Variants in GNA14 observed in about 807,000 individuals in gnomAD.
GNA14 encodes G protein subunit alpha 14.
In GNA14, 50 loss-of-function variants were observed where a neutral mutation model predicts 42.0. The observed-to-expected ratio is 1.19, with a 90% CI of 0.95 to 1.51. GNA14 has a LOEUF of 1.51. Ranked by LOEUF, GNA14 falls within the 40% of genes most tolerant of loss-of-function variation. The probability of loss-of-function intolerance (pLI) is 0.00; values close to 1 mark genes in which losing one functional copy is unlikely to be tolerated. For synonymous variants in GNA14, 173 were observed against 163.1 expected (o/e 1.06, Z -0.46); for missense variants, 473 against 446.2 (o/e 1.06, Z -0.54).
intron 2 of GNA14, among the ~76,000 whole-genome samples, chr9:77,515,289 CA>C (rs1261185845): frequency 1.3e-5 from 2 of 152,188 alleles, no homozygotes; most frequent in Non-Finnish European, 2.9e-5. Context: ...TAGTGGAGGA[CA>C]AGAAAGACGT....
At chr9:77,586,385 T>C (rs1162211) in intron 1 of GNA14, among the ~76,000 whole-genome samples, 123,501 of 152,142 alleles carry the variant, frequency 0.81, 50,750 homozygotes, top group African/African-American at 0.88. Context: ...TCAACAAGCA[T>C]ATGAAAAAAT....
intron 2 of GNA14, among the ~76,000 whole-genome samples, chr9:77,434,772 C>T (rs1835616091): frequency 6.6e-6 from 1 of 152,164 alleles, no homozygotes. Context: ...CTTCTGTGCC[C>T]AGCCATGTCC....
chr9:77,505,674 G>C (rs1837057882), intron 2 of GNA14, among the ~76,000 whole-genome samples: 1 of 152,168 alleles, frequency 6.6e-6, no homozygotes, highest in African/African-American at 2.4e-5. Context: ...TTTCCGATGT[G>C]ACAAAGAAGG....
At chr9:77,578,618 G>T (rs1000587257) in intron 1 of GNA14, among the ~76,000 whole-genome samples, 1 of 152,152 alleles carries the variant, frequency 6.6e-6, no homozygotes, top group Non-Finnish European at 1.5e-5. Context: ...TTAAAAAATT[G>T]AATGAAGATA....
At chr9:77,442,165 A>G (rs1335908638) in intron 2 of GNA14, among the ~76,000 whole-genome samples, 1 of 152,228 alleles carries the variant, frequency 6.6e-6, no homozygotes, top group Non-Finnish European at 1.5e-5. Context: ...TGAGGCCAGG[A>G]GTTCGAGACC....
At chr9:77,428,252 G>T (rs973933130) in intron 5 of GNA14, among the ~76,000 whole-genome samples, 4 of 151,622 alleles carry the variant, frequency 2.6e-5, no homozygotes, top group African/African-American at 9.7e-5. Context: ...CTAATTTTTT[G>T]TATTTTTTAG....
At chr9:77,507,526 A>G (rs1837091466) in intron 2 of GNA14, among the ~76,000 whole-genome samples, 1 of 152,178 alleles carries the variant, frequency 6.6e-6, no homozygotes, top group East Asian at 1.9e-4. Context: ...TGAACCCCCG[A>G]GCATCACAAA....
chr9:77,623,215 T>TAAAAAAAA, intron 1 of GNA14, among the ~76,000 whole-genome samples: 1 of 5,858 alleles, frequency 1.7e-4, no homozygotes, highest in Non-Finnish European at 5.4e-4. Flanking sequence ...AGACGCTGTC[T>TAAAAAAAA]CAAAAAAAAA....
chr9:77,629,005 T>C (rs563096278), intron 1 of GNA14, among the ~76,000 whole-genome samples: 11 of 152,150 alleles, frequency 7.2e-5, no homozygotes, highest in African/African-American at 2.6e-4. Context: ...AAAGGGTTCA[T>C]ATCCAGAATC....
At chr9:77,536,200 CAA>C (rs1837595650) in intron 1 of GNA14, among the ~76,000 whole-genome samples, 1 of 151,994 alleles carries the variant, frequency 6.6e-6, no homozygotes, top group Admixed American at 6.6e-5. Flanking sequence ...GCTGTCTCAA[CAA>C]AAGAGATTAA....
Position 77,464,377 on chromosome 9 carries a change from G to GTGTGTA in GNA14, c.310-29856_310-29855insTACACA, listed in dbSNP as rs1554689658. 2.0e-3 allele frequency among the ~76,000 whole-genome samples: 297 copies of GTGTGTA among 150,518 alleles called. 3 individuals are homozygous for GTGTGTA. Among genetic ancestry groups the GTGTGTA allele is most frequent in the African/African-American group, 6.1e-3 (249 of 40,864 alleles). On this transcript the variant is annotated intron_variant, in intron 2 of 6. Coordinates refer to ENST00000341700, the MANE Select transcript of GNA14 (RefSeq NM_004297.4). ...TGTGTGTGTGTGTGTGTGTGTGTGT[G>GTGTGTA]TGTGTGTGTGTGTGTTTAAATGTGG... is the stretch of plus-strand genomic sequence containing the variant.
intron 1 of GNA14, among the ~76,000 whole-genome samples, chr9:77,591,477 C>T (rs1449218123): frequency 1.3e-5 from 2 of 152,226 alleles, no homozygotes; most frequent in African/African-American, 4.8e-5. Flanking sequence ...TGTCCCTAGA[C>T]TCAAATTCTG....
At chr9:77,449,754 T>A (rs1835874530) in intron 2 of GNA14, among the ~76,000 whole-genome samples, 1 of 152,226 alleles carries the variant, frequency 6.6e-6, no homozygotes, top group Admixed American at 6.5e-5. Flanking sequence ...AATGTTAGAT[T>A]CATTAGTTTA....
At chr9:77,590,888 C>T (rs1260948709) in intron 1 of GNA14, among the ~76,000 whole-genome samples, 3 of 152,126 alleles carry the variant, frequency 2.0e-5, no homozygotes, top group Non-Finnish European at 4.4e-5. Context: ...ACATGTCACA[C>T]ACATTAGACA....
At position 77,431,357 on chromosome 9, in the gene GNA14, A is replaced by T. The variant is rs142306459; in HGVS notation, c.557T>A (p.Ile186Asn). Residue 186 changes from isoleucine (I) to asparagine (N), a missense_variant, in exon 4 of 7, where the codon ATT becomes AAT. Transcript: ENST00000341700. Reference protein sequence around the residue: ...LRVRVPTTGIIEYPFDLENII... With the variant: ...LRVRVPTTGINEYPFDLENII... Reference sequence around the variant, plus strand: ...GTTTTCCAAGTCAAATGGATACTCAATGATGCCGGTGGTGGGCACTCGGAC... The same window carrying T: ...GTTTTCCAAGTCAAATGGATACTCATTGATGCCGGTGGTGGGCACTCGGAC... 3.1e-6 allele frequency: 5 copies of T among 1,612,250 alleles called. No homozygotes were observed. The highest frequency in any genetic ancestry group is 4.2e-6 in the Non-Finnish European group (5 of 1,179,392).
At chr9:77,640,687 T>C (rs995322213) in intron 1 of GNA14, among the ~76,000 whole-genome samples, 3 of 151,878 alleles carry the variant, frequency 2.0e-5, no homozygotes, top group African/African-American at 7.3e-5. Flanking sequence ...GTACTAGTAA[T>C]TGATCTGAAT....
At chr9:77,438,442 GT>G (rs1305435485) in intron 2 of GNA14, among the ~76,000 whole-genome samples, 1 of 151,678 alleles carries the variant, frequency 6.6e-6, no homozygotes, top group East Asian at 1.9e-4. Flanking sequence ...TAATTTTTGT[GT>G]TTTTAGTACA....
intron 1 of GNA14, among the ~76,000 whole-genome samples, chr9:77,590,462 CTT>C (rs1259221302): frequency 1.3e-5 from 2 of 152,174 alleles, no homozygotes; most frequent in Non-Finnish European, 1.5e-5. Flanking sequence ...TATTCTTCCT[CTT>C]TGCTTATCTG....
intron 1 of GNA14, among the ~76,000 whole-genome samples, chr9:77,571,316 T>A (rs2131796385): frequency 6.6e-6 from 1 of 152,286 alleles, no homozygotes; most frequent in East Asian, 1.9e-4. Context: ...GTGGAGGGGT[T>A]GGAGTTAAAT....
Sources: allele counts gnomAD v4.1 joint callset (sites outside exome capture counted in the v4.1 genomes callset), GRCh38; gene constraint gnomAD v4.1.1; transcripts MANE v1.5; gene names NCBI Gene and HGNC (gene_info 2026-07-23, HGNC 2026-07-21).